CSMD1: variants seen among roughly 807,000 people sequenced by gnomAD.
CSMD1 encodes CUB and Sushi multiple domains 1, also known as CUB and sushi domain-containing protein 1.
In CSMD1, 213 loss-of-function variants were observed where a neutral mutation model predicts 417.5. The ratio of observed to expected loss-of-function variants is 0.51; its 90% CI spans 0.46 to 0.57. The LOEUF (loss-of-function observed/expected upper bound fraction) is 0.57. Ranked by LOEUF, CSMD1 falls within the 20% of genes least tolerant of loss-of-function variation. The pLI is 0.00. For missense variants in CSMD1, 6,923 were observed against 4,529.7 expected (o/e 1.53, Z -15.17); for synonymous variants, 2,862 against 1,736.8 (o/e 1.65, Z -16.11).
At chr8:4,466,016 C>A (rs1420541498) in intron 2 of CSMD1, among the ~76,000 whole-genome samples, 1 of 152,192 alleles carries the variant, frequency 6.6e-6, no homozygotes, top group Non-Finnish European at 1.5e-5. Context: ...TGTGCAATCA[C>A]ATTTGGATTG....
At chr8:4,974,921 G>A (rs577742517) in intron 1 of CSMD1, among the ~76,000 whole-genome samples, 1 of 152,112 alleles carries the variant, frequency 6.6e-6, no homozygotes, top group South Asian at 2.1e-4. Flanking sequence ...GATATACTGG[G>A]GTTTAAAGAG....
rs189782746 is a variant in CSMD1 at position 4,511,695 on chromosome 8, C to T, written c.303-91630G>A. On this transcript the variant is annotated intron_variant, in intron 2 of 69. Coordinates refer to ENST00000635120, the MANE Select transcript of CSMD1 (RefSeq NM_033225.6). ...AGAGTGGGAGTAGGGAAGGCAGAGC[C>T]GTAACTGATGAACTGCTGCTGGCTC... Among the ~76,000 whole-genome samples, 97 of 152,208 alleles carry T rather than the reference C, an allele frequency of 6.4e-4. No individual in the cohort carries two copies. The East Asian group carries it at 0.017, about 27-fold the overall frequency.
At chr8:3,763,002 G>A (rs1374752675) in intron 5 of CSMD1, among the ~76,000 whole-genome samples, 2 of 152,098 alleles carry the variant, frequency 1.3e-5, no homozygotes, top group South Asian at 2.1e-4. Context: ...GTCTTGAACC[G>A]GACACTTGGT....
intron 1 of CSMD1, among the ~76,000 whole-genome samples, chr8:4,637,858 G>C (rs1022470691): frequency 6.6e-5 from 10 of 151,124 alleles, no homozygotes; most frequent in African/African-American, 2.4e-4. Flanking sequence ...TTTTAGTAGA[G>C]ACGGGGTTTC....
intron 3 of CSMD1, among the ~76,000 whole-genome samples, chr8:4,273,278 G>C (rs771946023): frequency 6.6e-6 from 1 of 152,088 alleles, no homozygotes; most frequent in Non-Finnish European, 1.5e-5. Flanking sequence ...GTTCACAAAT[G>C]AATGTGAGTA....
At chr8:3,922,454 T>G (rs978250996) in intron 5 of CSMD1, among the ~76,000 whole-genome samples, 1 of 152,068 alleles carries the variant, frequency 6.6e-6, no homozygotes, top group Admixed American at 6.5e-5. Flanking sequence ...ATATATTCTG[T>G]TCTGTTTCTC....
Position 3,849,743 on chromosome 8 carries a change from C to A in CSMD1, c.819-95701G>T, listed in dbSNP as rs535391974. Among the ~76,000 whole-genome samples, 170 of 152,274 alleles carry A rather than the reference C, an allele frequency of 1.1e-3. 1 individual carries two copies. Among genetic ancestry groups the A allele is most frequent in the African/African-American group, 4.0e-3 (165 of 41,558 alleles). On this transcript the variant is annotated intron_variant, in intron 5 of 69. Transcript: ENST00000635120. ...GGGTGTAAACTCAATCTTTATGAAG[C>A]TCTTGTACAAATATCTTTTGAGAAA...
At chr8:4,231,301 G>A (rs752565290) in intron 3 of CSMD1, among the ~76,000 whole-genome samples, 2 of 152,178 alleles carry the variant, frequency 1.3e-5, no homozygotes, top group Non-Finnish European at 2.9e-5. Context: ...AAGCGTGTGA[G>A]GCTCAGAGTC....
At chr8:3,012,120 G>A (rs1314632914) in intron 52 of CSMD1, among the ~76,000 whole-genome samples, 3 of 152,192 alleles carry the variant, frequency 2.0e-5, no homozygotes, top group Non-Finnish European at 2.9e-5. Flanking sequence ...TGTTGATGAA[G>A]GTGGGCTAAA....
chr8:4,113,602 C>G (rs1202870490), intron 3 of CSMD1, among the ~76,000 whole-genome samples: 1 of 151,960 alleles, frequency 6.6e-6, no homozygotes, highest in Non-Finnish European at 1.5e-5. Context: ...GACAGAGTTT[C>G]ACTGTGTTAG....
intron 3 of CSMD1, among the ~76,000 whole-genome samples, chr8:4,241,009 C>T (rs1333770259): frequency 6.6e-6 from 1 of 152,116 alleles, no homozygotes; most frequent in Non-Finnish European, 1.5e-5. Context: ...TCAGTGAAAA[C>T]CCATCTGACT....
chr8:3,473,974 GA>G, intron 11 of CSMD1, among the ~76,000 whole-genome samples: 1 of 152,104 alleles, frequency 6.6e-6, no homozygotes, highest in African/African-American at 2.4e-5. Context: ...AAAACCATCA[GA>G]TCTAGTAAAA....
At chr8:4,546,811 TTTA>T (rs1797658752) in intron 2 of CSMD1, among the ~76,000 whole-genome samples, 1 of 151,786 alleles carries the variant, frequency 6.6e-6, no homozygotes, top group African/African-American at 2.4e-5. Context: ...CATAGTTATA[TTTA>T]TAATTATAAT....
intron 25 of CSMD1, among the ~76,000 whole-genome samples, chr8:3,296,540 C>T (rs11782821): frequency 6.6e-5 from 10 of 152,006 alleles, no homozygotes; most frequent in East Asian, 5.8e-4. Context: ...AAGAACTGGC[C>T]GTGCTTGCTT....
At chr8:3,372,208 A>T (rs17393453) in intron 18 of CSMD1, among the ~76,000 whole-genome samples, 26,013 of 152,142 alleles carry the variant, frequency 0.17, 2,833 homozygotes, top group Non-Finnish European at 0.23. Flanking sequence ...GAGACAAAGG[A>T]AACAGTGAAT....
At chr8:3,428,317 G>T (rs935308498) in intron 12 of CSMD1, among the ~76,000 whole-genome samples, 7 of 152,090 alleles carry the variant, frequency 4.6e-5, no homozygotes, top group Non-Finnish European at 7.4e-5. Context: ...ATTCAGAGAC[G>T]AATGGCCAGG....
chr8:4,403,994 C>A (rs767632644), intron 3 of CSMD1, among the ~76,000 whole-genome samples: 25 of 152,306 alleles, frequency 1.6e-4, no homozygotes, highest in Admixed American at 4.6e-4. Flanking sequence ...CTCAGGTCAA[C>A]CAATCAATTA....
intron 48 of CSMD1, among the ~76,000 whole-genome samples, chr8:3,089,439 T>C (rs886864107): frequency 6.6e-6 from 1 of 152,244 alleles, no homozygotes; most frequent in Non-Finnish European, 1.5e-5. Flanking sequence ...CATTTCTTTG[T>C]CGTTTTTAAC....
At chr8:4,180,242 C>T (rs1428007522) in intron 3 of CSMD1, among the ~76,000 whole-genome samples, 2 of 151,924 alleles carry the variant, frequency 1.3e-5, no homozygotes, top group Non-Finnish European at 2.9e-5. Flanking sequence ...GTATACTATG[C>T]AGCAATAAAA....
Sources: allele counts gnomAD v4.1 joint callset (sites outside exome capture counted in the v4.1 genomes callset), GRCh38; gene constraint gnomAD v4.1.1; transcripts MANE v1.5; gene names NCBI Gene and HGNC (gene_info 2026-07-23, HGNC 2026-07-21).